Variants in ZDHHC3 observed in about 807,000 individuals in gnomAD.
ZDHHC3 encodes zDHHC palmitoyltransferase 3.
Under a neutral mutation model 30.6 loss-of-function variants are expected in ZDHHC3, and 9 were observed. The ratio of observed to expected loss-of-function variants is 0.29; its 90% CI spans 0.18 to 0.51. The LOEUF is 0.51. Ranked by LOEUF, ZDHHC3 falls within the 20% of genes least tolerant of loss-of-function variation. The pLI, the probability that ZDHHC3 is intolerant of heterozygous loss-of-function variation, is 0.97. For missense variants in ZDHHC3, 246 were observed against 384.2 expected (o/e 0.64, Z 3.01); for synonymous variants, 136 against 140.2 (o/e 0.97, Z 0.21).
In ZDHHC3 at chr3:44,920,052, G is replaced by T; in HGVS notation, c.*6637C>A. ...GTCTGAGTGGTTACTTTTGGGGATG[G>T]AATTCTAGAGGATTTGTATTTATTT... On this transcript the variant is annotated 3_prime_UTR_variant, in exon 7 of 7. Coordinates refer to ENST00000424952, the MANE Select transcript of ZDHHC3 (RefSeq NM_001135179.2). 1 of 1,177,450 alleles carries T rather than the reference G, an allele frequency of 8.5e-7. No individual in the cohort carries two copies. The allele number at this position is 1,177,450 out of a possible 1,614,324, so 72.9% of individuals were successfully genotyped here. A position where few individuals can be genotyped will look rare whatever the true frequency, so the allele number is the denominator to read the frequency against.
At chr3:44,963,336 G>A (rs1704642658) in intron 1 of ZDHHC3, among the ~76,000 whole-genome samples, 1 of 152,102 alleles carries the variant, frequency 6.6e-6, no homozygotes, top group African/African-American at 2.4e-5. Context: ...GACCTGAAGG[G>A]CACATTCCAC....
rs138998157 is a variant in ZDHHC3, at chr3:44,922,240, G to A, written c.*4449C>T. On this transcript the variant is annotated 3_prime_UTR_variant, in exon 7 of 7. Coordinates refer to ENST00000424952, the MANE Select transcript of ZDHHC3 (RefSeq NM_001135179.2). The stretch of plus-strand genomic sequence containing the variant: ...CCCACACGTAGAAAGCAAAGGTCAA[G>A]ACGTGTTCAGGTCATGTATCCAGGC... 66 of 985,452 alleles carry A rather than the reference G, an allele frequency of 6.7e-5. 2 individuals are homozygous for A. In the African/African-American group the frequency reaches 9.6e-4, roughly 14 times the overall value. The allele number at this position is 985,452 out of a possible 1,614,324, so 61.0% of individuals were successfully genotyped here.
chr3:44,959,061 C>T lies in ZDHHC3; in HGVS notation c.306+70G>A. 6.4e-7 allele frequency: 1 copy of T among 1,565,536 alleles called. No homozygotes were observed. On this transcript the variant is annotated intron_variant, in intron 2 of 6. Coordinates refer to ENST00000424952, the MANE Select transcript of ZDHHC3 (RefSeq NM_001135179.2). This position sits in a 1 kb window ranked among gnomAD's most constrained non-coding sequence, Gnocchi z 4.3. ...GTTCCCAAGGTCCAGGGGGAACATG[C>T]AGGCTGTGGCCATGCCAGAGCCAGA... is the stretch of plus-strand genomic sequence containing the variant.
intron 2 of ZDHHC3, among the ~76,000 whole-genome samples, chr3:44,949,677 A>T (rs1703263816): frequency 6.6e-6 from 1 of 152,156 alleles, no homozygotes; most frequent in Non-Finnish European, 1.5e-5. Flanking sequence ...CCAACGGGCC[A>T]CCAGTGAGGC....
chr3:44,934,119 G>A (rs193243193), intron 3 of ZDHHC3, 135 bp from the exon 4 acceptor site: 1 of 839,490 alleles, frequency 1.2e-6, no homozygotes, highest in East Asian at 2.5e-5. Flanking sequence ...GTTTTGCTGG[G>A]TGTGTGTCAC....
At chr3:44,931,866 A>G (rs528128124) in intron 5 of ZDHHC3, among the ~76,000 whole-genome samples, 1 of 152,274 alleles carries the variant, frequency 6.6e-6, no homozygotes, top group South Asian at 2.1e-4. Context: ...AGTGGGAAGC[A>G]TCTCTCCTAC....
chr3:44,922,298 C>T lies in ZDHHC3; in HGVS notation c.*4391G>A, dbSNP rs1317288929. ...ATGCCCCTGGCTCTAGACTACTCAC[C>T]GGCCGCCGCTCCCATCTGGAGGTCC... On this transcript the variant is annotated 3_prime_UTR_variant, in exon 7 of 7. Transcript: ENST00000424952. 9 of 985,434 alleles carry T rather than the reference C, an allele frequency of 9.1e-6. No homozygotes were observed. Among genetic ancestry groups the T allele is most frequent in the African/African-American group, 1.7e-5 (1 of 57,360 alleles). The allele number at this position is 985,434 out of a possible 1,614,324, so 61.0% of individuals were successfully genotyped here.
At position 44,918,503 on chromosome 3, in the gene ZDHHC3, C is replaced by T. The variant is rs544601627; in HGVS notation, c.*8186G>A. ...TGAGTGGCTGAGGCATAAGGGGGAC[C>T]ACACATCCTCTGAGGCCACTACAAA... On this transcript the variant is annotated 3_prime_UTR_variant, in exon 7 of 7. Transcript: ENST00000424952. 3.0e-6 allele frequency: 3 copies of T among 985,408 alleles called. No individual in the cohort carries two copies. In the Admixed American group the frequency reaches 1.8e-4, roughly 61 times the overall value. The allele number at this position is 985,408 out of a possible 1,614,324, so 61.0% of individuals were successfully genotyped here.
In ZDHHC3 at chr3:44,959,350, G is replaced by A; in HGVS notation, c.87C>T (p.Tyr29=). ...ACCACATGGTTCCCACAGGACCAGG[G>A]TAGGGGGGTGGGACACACTTCTCTG... ...LQPEKCVPPP[Y]PGPVGTMWFI... is the part of the protein sequence containing the mutation. The change falls in exon 2 of 7, where the codon TAC becomes TAT. Residue 29 remains tyrosine (Y), a synonymous_variant. Transcript: ENST00000424952. This position sits in a 1 kb window ranked among gnomAD's most constrained non-coding sequence, Gnocchi z 4.3. 1 of 1,614,232 alleles carries A rather than the reference G, an allele frequency of 6.2e-7. No individual in the cohort carries two copies. Among genetic ancestry groups the A allele is most frequent in the South Asian group, 1.1e-5 (1 of 91,086 alleles).
At chr3:44,927,511 G>T (rs1273051659) in intron 6 of ZDHHC3, among the ~76,000 whole-genome samples, 1 of 152,246 alleles carries the variant, frequency 6.6e-6, no homozygotes, top group Non-Finnish European at 1.5e-5. Flanking sequence ...AGAGGAGGAA[G>T]GAGGAGGGAT....
intron 1 of ZDHHC3, among the ~76,000 whole-genome samples, chr3:44,973,068 C>T (rs1705536576): frequency 6.6e-6 from 1 of 152,114 alleles, no homozygotes; most frequent in Non-Finnish European, 1.5e-5. Context: ...CAGCAACATC[C>T]CATCAGCACC....
intron 2 of ZDHHC3, among the ~76,000 whole-genome samples, chr3:44,954,686 A>G (rs888390222): frequency 3.9e-5 from 6 of 152,246 alleles, no homozygotes; most frequent in African/African-American, 2.4e-5. Flanking sequence ...TATACTGATC[A>G]TAAGGGTTTA....
In ZDHHC3 at chr3:44,921,284, G is replaced by A; in HGVS notation, c.*5405C>T. On this transcript the variant is annotated 3_prime_UTR_variant, in exon 7 of 7. Coordinates refer to ENST00000424952, the MANE Select transcript of ZDHHC3 (RefSeq NM_001135179.2). Reference sequence around the variant, plus strand: ...GCTGAGCCCCACAGAACGAGAACAGGCTGTTCCCTGCTCCCTGTATCATCA... The same window carrying A: ...GCTGAGCCCCACAGAACGAGAACAGACTGTTCCCTGCTCCCTGTATCATCA... 2.0e-6 allele frequency: 2 copies of A among 985,384 alleles called. No individual in the cohort carries two copies. Among genetic ancestry groups the A allele is most frequent in the Non-Finnish European group, 2.4e-6 (2 of 829,918 alleles). 61.0% of individuals were successfully genotyped at this position (985,384 alleles called of 1,614,324 possible).
At chr3:44,972,853 C>A (rs1382052465) in intron 1 of ZDHHC3, among the ~76,000 whole-genome samples, 1 of 152,166 alleles carries the variant, frequency 6.6e-6, no homozygotes, top group Non-Finnish European at 1.5e-5. Context: ...CACAGGCATG[C>A]AAACACACTG....
Position 44,923,940 on chromosome 3 carries a change from T to C in ZDHHC3, c.*2749A>G, listed in dbSNP as rs145293951. 1 of 985,474 alleles carries C rather than the reference T, an allele frequency of 1.0e-6. No homozygotes were observed. Among genetic ancestry groups the C allele is most frequent in the Non-Finnish European group, 1.2e-6 (1 of 829,942 alleles). 61.0% of individuals were successfully genotyped at this position (985,474 alleles called of 1,614,324 possible). A position where few individuals can be genotyped will look rare whatever the true frequency, so the allele number is the denominator to read the frequency against. ...CATGCAAATATGCATAGATTATAGA[T>C]TTGCTTGGATCTAAGCCTTTTGCAT... On this transcript the variant is annotated 3_prime_UTR_variant, in exon 7 of 7. Transcript: ENST00000424952.
chr3:44,953,942 T>C (rs569227207), intron 2 of ZDHHC3, among the ~76,000 whole-genome samples: 143 of 152,372 alleles, frequency 9.4e-4, no homozygotes, highest in African/African-American at 3.3e-3. Flanking sequence ...TCCTCTTCTA[T>C]GTTCCCACAG....
At chr3:44,963,706 G>T (rs1350818380) in intron 1 of ZDHHC3, among the ~76,000 whole-genome samples, 4 of 152,132 alleles carry the variant, frequency 2.6e-5, no homozygotes, top group Non-Finnish European at 5.9e-5. Context: ...GGCAGAACTG[G>T]TTACTCAGGC....
At position 44,918,701 on chromosome 3, in the gene ZDHHC3, G is replaced by C; in HGVS notation, c.*7988C>G. ...CCAACATGCATTAGGCAGCCGGAGG[G>C]CACACAGGACCACTGTGGGGAGGTA... On this transcript the variant is annotated 3_prime_UTR_variant, in exon 7 of 7. Coordinates refer to ENST00000424952, the MANE Select transcript of ZDHHC3 (RefSeq NM_001135179.2). The C allele has an allele frequency of 3.0e-6, 3 of 995,402 alleles. No homozygotes were observed. The highest frequency in any genetic ancestry group is 3.6e-6 in the Non-Finnish European group (3 of 834,594). The allele number at this position is 995,402 out of a possible 1,614,324, so 61.7% of individuals were successfully genotyped here. A position where few individuals can be genotyped will look rare whatever the true frequency, so the allele number is the denominator to read the frequency against.
chr3:44,963,827 G>A (rs1411041400), intron 1 of ZDHHC3, among the ~76,000 whole-genome samples: 2 of 152,002 alleles, frequency 1.3e-5, no homozygotes, highest in Non-Finnish European at 2.9e-5. Flanking sequence ...CCTTCACCCC[G>A]GCCCCTTGCC....
Sources: allele counts gnomAD v4.1 joint callset (sites outside exome capture counted in the v4.1 genomes callset), GRCh38; gene constraint gnomAD v4.1.1; non-coding constraint Gnocchi (gnomAD v3.1); transcripts MANE v1.5; gene names NCBI Gene and HGNC (gene_info 2026-07-23, HGNC 2026-07-21).